The following RAB37 variants were observed in gnomAD, a reference collection of about 807,000 sequenced individuals.
RAB37 encodes the protein RAB37, member RAS oncogene family.
A neutral mutation model predicts 33.1 loss-of-function variants in RAB37; 29 were observed. That is an observed-to-expected ratio of 0.88 (90% CI 0.65 to 1.20). The LOEUF is 1.20. Among genes scored for constraint, RAB37 ranks in the 50% most tolerant of loss-of-function variants. The pLI is 0.00. For synonymous variants in RAB37, 128 were observed against 119.5 expected (o/e 1.07, Z -0.47); for missense variants, 299 against 301.1 (o/e 0.99, Z 0.05).
chr17:74,744,988 G>A lies in RAB37; in HGVS notation c.490-20G>A. Reference sequence around the variant, plus strand: ...GGGGGCAACCCGACGCTGGCCCTGAGGACACTCTCTCCCGGGCAGGAGTAC... The same window carrying A: ...GGGGGCAACCCGACGCTGGCCCTGAAGACACTCTCTCCCGGGCAGGAGTAC... On this transcript the variant is annotated intron_variant, in intron 7 of 8. Coordinates refer to ENST00000392613, the MANE Select transcript of RAB37 (RefSeq NM_001006638.3). This position sits in a 1 kb window ranked among gnomAD's most constrained non-coding sequence, Gnocchi z 4.2. The A allele has an allele frequency of 6.2e-7, 1 of 1,614,230 alleles. No homozygotes were observed. Among genetic ancestry groups the A allele is most frequent in the South Asian group, 1.1e-5 (1 of 91,088 alleles).
At position 74,740,554 on chromosome 17, in the gene RAB37, G is replaced by A. The variant is rs528027263; in HGVS notation, c.94-214G>A. Among the ~76,000 whole-genome samples the A allele has an allele frequency of 3.9e-5, 6 of 152,316 alleles. No individual in the cohort carries two copies. In the South Asian group the frequency reaches 1.0e-3, roughly 26 times the overall value. On this transcript the variant is annotated intron_variant, in intron 1 of 8. Transcript: ENST00000392613. ...TCTAGGAACTTGAATGAGGACAGGAGGGTCAGAGGGAGAGCCTAGGAGGCT... is the reference window on the plus strand; with the variant it reads ...TCTAGGAACTTGAATGAGGACAGGAAGGTCAGAGGGAGAGCCTAGGAGGCT...
intron 1 of RAB37, among the ~76,000 whole-genome samples, chr17:74,712,190 C>G (rs1418548310): frequency 6.6e-6 from 1 of 152,150 alleles, no homozygotes; most frequent in African/African-American, 2.4e-5. Context: ...GAATGAGCCT[C>G]TTTCCCTGGC....
intron 2 of RAB37, among the ~76,000 whole-genome samples, chr17:74,731,224 G>A (rs1311019517): frequency 6.6e-6 from 1 of 152,222 alleles, no homozygotes; most frequent in Non-Finnish European, 1.5e-5. Context: ...CCTTCTCACG[G>A]AGATTTGAGA....
At chr17:74,731,784 G>A (rs551128385) in intron 2 of RAB37, among the ~76,000 whole-genome samples, 97 of 151,984 alleles carry the variant, frequency 6.4e-4, no homozygotes, top group Non-Finnish European at 1.2e-3. Context: ...GAGGCGGGCG[G>A]ATCACTTGAG....
At chr17:74,741,375 C>G (rs2034611079) in intron 2 of RAB37, among the ~76,000 whole-genome samples, 1 of 152,084 alleles carries the variant, frequency 6.6e-6, no homozygotes, top group Non-Finnish European at 1.5e-5. Flanking sequence ...ATCACAAGGT[C>G]AGGAGTTTGA....
intron 1 of RAB37, among the ~76,000 whole-genome samples, chr17:74,674,273 A>G (rs952499342): frequency 6.6e-6 from 1 of 151,528 alleles, no homozygotes; most frequent in Non-Finnish European, 1.5e-5. Context: ...GTAGAGACAG[A>G]GTTTCACCAT....
intron 1 of RAB37, among the ~76,000 whole-genome samples, chr17:74,717,390 C>T (rs539043746): frequency 6.6e-6 from 1 of 152,294 alleles, no homozygotes; most frequent in African/African-American, 2.4e-5. Flanking sequence ...AAGTTTGTGT[C>T]TCTCGAATTT....
chr17:74,679,814 C>T (rs2031915532), intron 1 of RAB37, among the ~76,000 whole-genome samples: 1 of 151,804 alleles, frequency 6.6e-6, no homozygotes, highest in Non-Finnish European at 1.5e-5. Context: ...CCTGTCTCTA[C>T]TAAAAACACA....
chr17:74,700,606 G>T (rs1208147354), intron 1 of RAB37, among the ~76,000 whole-genome samples: 1 of 152,106 alleles, frequency 6.6e-6, no homozygotes, highest in Non-Finnish European at 1.5e-5. Context: ...GCCGGGTGTG[G>T]TGGTGCATTC....
upstream of RAB37, chr17:74,736,656 G>T: frequency 6.5e-7 from 1 of 1,535,576 alleles, no homozygotes; most frequent in Non-Finnish European, 8.7e-7. Flanking sequence ...GAAATGAGAG[G>T]TGATCCATAC....
At chr17:74,715,252 A>G (rs1478428492) in intron 1 of RAB37, among the ~76,000 whole-genome samples, 1 of 152,206 alleles carries the variant, frequency 6.6e-6, no homozygotes, top group Non-Finnish European at 1.5e-5. Context: ...TCAAAGAGGG[A>G]CGCAACCCCC....
chr17:74,704,387 C>T (rs1426796896), intron 1 of RAB37: 1 of 940,344 alleles, frequency 1.1e-6, no homozygotes, highest in Non-Finnish European at 1.6e-6. Context: ...TGATAGATCA[C>T]TCAGTGACAA....
chr17:74,676,321 A>C lies in RAB37; in HGVS notation c.72+4663A>C, dbSNP rs991463216. Among the ~76,000 whole-genome samples, 1 of 152,146 alleles carries C rather than the reference A, an allele frequency of 6.6e-6. No homozygotes were observed. The highest frequency in any genetic ancestry group is 2.4e-5 in the African/African-American group (1 of 41,438). The stretch of plus-strand genomic sequence containing the variant: ...GACGAACAATTCCTAGGACAAAGTC[A>C]GTCTCAGAAAGACTGGGGGTGGGGG... On this transcript the variant is annotated intron_variant, in intron 1 of 7. Coordinates refer to the RAB37 transcript ENST00000340415. This position sits in a 1 kb window ranked among gnomAD's most constrained non-coding sequence, Gnocchi z 4.1.
intron 1 of RAB37, among the ~76,000 whole-genome samples, chr17:74,686,721 T>C (rs1487112269): frequency 6.6e-6 from 1 of 152,158 alleles, no homozygotes; most frequent in East Asian, 1.9e-4. Flanking sequence ...TGACTTACTG[T>C]ACCTACATCT....
intron 1 of RAB37, among the ~76,000 whole-genome samples, chr17:74,728,735 CAT>C (rs1567809876): frequency 1.3e-5 from 2 of 151,040 alleles, no homozygotes; most frequent in Admixed American, 6.6e-5. Flanking sequence ...TATATGTGTA[CAT>C]GTGTTTTTCT....
chr17:74,695,896 C>A (rs1428282544), intron 1 of RAB37: 1 of 1,600,624 alleles, frequency 6.2e-7, no homozygotes, highest in Admixed American at 1.7e-5. Context: ...GTCACAAGAT[C>A]TGTCTGTGGA....
intron 1 of RAB37, among the ~76,000 whole-genome samples, chr17:74,726,212 G>A (rs1362274865): frequency 2.7e-5 from 4 of 149,332 alleles, no homozygotes; most frequent in Non-Finnish European, 5.9e-5. Context: ...TCCAGCCTGG[G>A]CGACAGAGAG....
At position 74,671,308 on chromosome 17, in the gene RAB37, T is replaced by G; in HGVS notation, c.-279T>G. The G allele has an allele frequency of 4.4e-6, 2 of 456,896 alleles. No individual in the cohort carries two copies. Among genetic ancestry groups the G allele is most frequent in the East Asian group, 3.5e-5 (1 of 28,760 alleles). 28.3% of individuals were successfully genotyped at this position (456,896 alleles called of 1,614,324 possible). A position where few individuals can be genotyped will look rare whatever the true frequency, so the allele number is the denominator to read the frequency against. On this transcript the variant is annotated 5_prime_UTR_variant, in exon 1 of 8. Coordinates refer to the RAB37 transcript ENST00000340415. The surrounding 1 kb of genome is among the most constrained non-coding windows in gnomAD (Gnocchi z 5.0). Reference sequence around the variant, plus strand: ...ATCCTGGAGTCCTAAGAGGCAGGGATTGGAGCGGACAGGATCTCAGAACTC... The same window carrying G: ...ATCCTGGAGTCCTAAGAGGCAGGGAGTGGAGCGGACAGGATCTCAGAACTC...
At chr17:74,741,217 G>C (rs1367840838) in intron 2 of RAB37, among the ~76,000 whole-genome samples, 1 of 152,076 alleles carries the variant, frequency 6.6e-6, no homozygotes, top group Non-Finnish European at 1.5e-5. Flanking sequence ...CTCCTACCTG[G>C]GCCCCTTTGG....
Sources: allele counts gnomAD v4.1 joint callset (sites outside exome capture counted in the v4.1 genomes callset), GRCh38; gene constraint gnomAD v4.1.1; non-coding constraint Gnocchi (gnomAD v3.1); transcripts MANE v1.5; gene names NCBI Gene and HGNC (gene_info 2026-07-23, HGNC 2026-07-21).